RAP1B: variants seen among roughly 807,000 people sequenced by gnomAD.
RAP1B encodes RAP1B, member of RAS oncogene family.
A neutral mutation model predicts 27.5 loss-of-function variants in RAP1B; 1 was observed. The ratio of observed to expected loss-of-function variants is 0.04; its 90% CI spans 0.01 to 0.17. The LOEUF (loss-of-function observed/expected upper bound fraction) is 0.17. Among genes scored for constraint, RAP1B ranks in the 10% least tolerant of loss-of-function variants. The pLI, the probability that RAP1B is intolerant of heterozygous loss-of-function variation, is 1.00. For synonymous variants in RAP1B, 75 were observed against 73.1 expected, an observed-to-expected ratio of 1.03 and a Z score of -0.13; for missense variants, 84 against 214.8, an observed-to-expected ratio of 0.39 and a Z score of 3.81.
intron 1 of RAP1B, among the ~76,000 whole-genome samples, chr12:68,617,671 C>T (rs1348865032): frequency 2.8e-4 from 43 of 152,200 alleles, no homozygotes; most frequent in Admixed American, 2.7e-3. Context: ...CTCCTTGCCT[C>T]CTCAGTGAGA....
intron 1 of RAP1B, chr12:68,642,997 G>T (rs1352145164): frequency 2.5e-6 from 2 of 795,040 alleles, no homozygotes; most frequent in South Asian, 1.3e-5. Flanking sequence ...CAGCCATGTT[G>T]GGATTCTTCA....
At chr12:68,651,751 G>A (rs1230811010) in intron 3 of RAP1B, 27 of 444,624 alleles carry the variant, frequency 6.1e-5, no homozygotes, top group Middle Eastern at 6.1e-4. Context: ...AGACTGGTTC[G>A]TGTAGGTTTC....
intron 1 of RAP1B, among the ~76,000 whole-genome samples, chr12:68,638,212 TTC>T (rs1390828573): frequency 6.6e-6 from 1 of 152,202 alleles, no homozygotes; most frequent in African/African-American, 2.4e-5. Flanking sequence ...TGTTTTTAAC[TTC>T]TTTTTATATT....
Position 68,662,915 on chromosome 12 carries a change from CAGG to C in RAP1B, c.*3669_*3671del, listed in dbSNP as rs1024088505. On this transcript the variant is annotated 3_prime_UTR_variant, in exon 8 of 8. Coordinates refer to ENST00000250559, the MANE Select transcript of RAP1B (RefSeq NM_001010942.3). ...GCTATTCAGAAGGATTGCTTGATCC[CAGG>C]AGATCAAGGATACAGTGAACTGTGT... 5 of 152,028 alleles carry C rather than the reference CAGG, an allele frequency of 3.3e-5. No homozygotes were observed. Among genetic ancestry groups the C allele is most frequent in the African/African-American group, 1.2e-4 (5 of 41,468 alleles). 9.4% of individuals were successfully genotyped at this position (152,028 alleles called of 1,614,324 possible). A position where few individuals can be genotyped will look rare whatever the true frequency, so the allele number is the denominator to read the frequency against.
intron 1 of RAP1B, among the ~76,000 whole-genome samples, chr12:68,618,839 A>C (rs983226933): frequency 6.6e-6 from 1 of 152,222 alleles, no homozygotes; most frequent in Admixed American, 6.5e-5. Context: ...ACTGTAACAA[A>C]ATGGGAAGTA....
At chr12:68,616,733 C>T (rs1409310159) in intron 1 of RAP1B, among the ~76,000 whole-genome samples, 1 of 152,028 alleles carries the variant, frequency 6.6e-6, no homozygotes, top group Non-Finnish European at 1.5e-5. Flanking sequence ...CGCGCCCGGC[C>T]AGGTTTTGTA....
chr12:68,619,404 A>T (rs1871242065), intron 1 of RAP1B, among the ~76,000 whole-genome samples: 1 of 152,260 alleles, frequency 6.6e-6, no homozygotes, highest in African/African-American at 2.4e-5. Context: ...GATTATCTGC[A>T]TAACTGAGTC....
chr12:68,636,347 G>T (rs183722427), intron 1 of RAP1B, among the ~76,000 whole-genome samples: 41 of 152,342 alleles, frequency 2.7e-4, no homozygotes, highest in Middle Eastern at 6.8e-3. Context: ...GAACCCAGAA[G>T]TTGGTTTTAA....
rs139441891 is a variant in RAP1B at position 68,662,059 on chromosome 12, GTATA to G, written c.*2820_*2823del. 2.8e-5 allele frequency: 4 copies of G among 145,010 alleles called. No individual in the cohort carries two copies. The highest frequency in any genetic ancestry group is 1.4e-4 in the Admixed American group (2 of 14,418). 9.0% of individuals were successfully genotyped at this position (145,010 alleles called of 1,614,324 possible). ...TATATATAGTACATATATAGAGAGA[GTATA>G]TATATATATGTAGTACAGTGGAGGT... On this transcript the variant is annotated 3_prime_UTR_variant, in exon 8 of 8. Coordinates refer to ENST00000250559, the MANE Select transcript of RAP1B (RefSeq NM_001010942.3).
In RAP1B at chr12:68,661,136, C is replaced by T. The variant is rs568907040; in HGVS notation, c.*1887C>T. The T allele has an allele frequency of 1.3e-4, 20 of 152,204 alleles. No homozygotes were observed. The highest frequency in any genetic ancestry group is 4.6e-4 in the African/African-American group (19 of 41,530). The allele number at this position is 152,204 out of a possible 1,614,324, so 9.4% of individuals were successfully genotyped here. On this transcript the variant is annotated 3_prime_UTR_variant, in exon 8 of 8. Transcript: ENST00000250559. ...GGTATCTGCTAATCCCCTAAATACA[C>T]GCTGTTTGAATGATACATTTTTAAA...
At chr12:68,613,372 C>T (rs967868770) in intron 1 of RAP1B, among the ~76,000 whole-genome samples, 1 of 129,008 alleles carries the variant, frequency 7.8e-6, no homozygotes, top group East Asian at 2.3e-4. Flanking sequence ...GCCTGGGTGA[C>T]AGAGCTAGAC....
chr12:68,671,339 A>T lies in RAP1B; in HGVS notation c.*12090A>T, dbSNP rs888619476. ...ATATTTGACCTCAATTCTACTACTG[A>T]TATCTACACCAAGGAAATGAAAGGA... is the stretch of plus-strand genomic sequence containing the variant. On this transcript the variant is annotated 3_prime_UTR_variant, in exon 8 of 8. Coordinates refer to ENST00000250559, the MANE Select transcript of RAP1B (RefSeq NM_001010942.3). 2.0e-5 allele frequency: 3 copies of T among 152,224 alleles called. No homozygotes were observed. The highest frequency in any genetic ancestry group is 4.4e-5 in the Non-Finnish European group (3 of 68,036). The allele number at this position is 152,224 out of a possible 1,614,324, so 9.4% of individuals were successfully genotyped here.
chr12:68,667,086 T>C lies in RAP1B; in HGVS notation c.*7837T>C, dbSNP rs941994796. 4.6e-5 allele frequency: 7 copies of C among 152,224 alleles called. No individual in the cohort carries two copies. The highest frequency in any genetic ancestry group is 1.2e-4 in the African/African-American group (5 of 41,464). The allele number at this position is 152,224 out of a possible 1,614,324, so 9.4% of individuals were successfully genotyped here. The stretch of plus-strand genomic sequence containing the variant: ...CTACATATTTTATATTTATCAATGA[T>C]GACAGAAACTTCCCCCCTTTTACTT... On this transcript the variant is annotated 3_prime_UTR_variant, in exon 8 of 8. Coordinates refer to ENST00000250559, the MANE Select transcript of RAP1B (RefSeq NM_001010942.3).
intron 4 of RAP1B, 97 bp downstream of exon 4, chr12:68,652,148 TAAA>T: frequency 1.0e-6 from 1 of 973,708 alleles, no homozygotes; most frequent in Admixed American, 2.0e-5. Flanking sequence ...TAAGCTTATT[TAAA>T]AGTACTGCTT....
In RAP1B at chr12:68,642,992, A is replaced by C. The variant is rs1592452742; in HGVS notation, c.-26-5707A>C. ...TTTTAGAGCAAGTTTTCGCCCAGCC[A>C]TGTTGGGATTCTTCACCGACCCTGG... On this transcript the variant is annotated intron_variant, in intron 1 of 7. Coordinates refer to ENST00000250559, the MANE Select transcript of RAP1B (RefSeq NM_001010942.3). The C allele has an allele frequency of 3.8e-6, 3 of 799,566 alleles. No individual in the cohort carries two copies. The Admixed American group carries it at 5.1e-5, about 14-fold the overall frequency. 49.5% of individuals were successfully genotyped at this position (799,566 alleles called of 1,614,324 possible). A position where few individuals can be genotyped will look rare whatever the true frequency, so the allele number is the denominator to read the frequency against.
At position 68,660,235 on chromosome 12, in the gene RAP1B, G is replaced by A. The variant is rs1874526051; in HGVS notation, c.*986G>A. On this transcript the variant is annotated 3_prime_UTR_variant, in exon 8 of 8. Coordinates refer to ENST00000250559, the MANE Select transcript of RAP1B (RefSeq NM_001010942.3). ...ACGAGTACTGTGGATGTGAATGTGGGAAGTAATTTTAATCATATGTAATTG... is the reference window on the plus strand; with the variant it reads ...ACGAGTACTGTGGATGTGAATGTGGAAAGTAATTTTAATCATATGTAATTG... 1 of 126,746 alleles carries A rather than the reference G, an allele frequency of 7.9e-6. No individual in the cohort carries two copies. The highest frequency in any genetic ancestry group is 1.6e-5 in the Non-Finnish European group (1 of 61,310). The allele number at this position is 126,746 out of a possible 1,614,324, so 7.9% of individuals were successfully genotyped here. A position where few individuals can be genotyped will look rare whatever the true frequency, so the allele number is the denominator to read the frequency against.
Position 68,623,076 on chromosome 12 carries a change from T to C in RAP1B, c.-27+12033T>C, listed in dbSNP as rs893206778. Among the ~76,000 whole-genome samples, 4 of 152,238 alleles carry C rather than the reference T, an allele frequency of 2.6e-5. No individual in the cohort carries two copies. In the East Asian group the frequency reaches 5.8e-4, roughly 22 times the overall value. ...TTTTTTATTTAGGTCATCTGTCTCT[T>C]GAGGACTATTTGATCTGATTGCATG... On this transcript the variant is annotated intron_variant, in intron 1 of 7. Coordinates refer to ENST00000250559, the MANE Select transcript of RAP1B (RefSeq NM_001010942.3).
chr12:68,627,749 C>A (rs1343040565), intron 1 of RAP1B, among the ~76,000 whole-genome samples: 1 of 152,128 alleles, frequency 6.6e-6, no homozygotes, highest in South Asian at 2.1e-4. Context: ...TAGAGAGACT[C>A]CCCAGTATAC....
chr12:68,616,368 T>G (rs1871009595), intron 1 of RAP1B, among the ~76,000 whole-genome samples: 1 of 150,660 alleles, frequency 6.6e-6, no homozygotes, highest in South Asian at 2.1e-4. Flanking sequence ...CACCACAGCC[T>G]CCGCCTCCAG....
Sources: allele counts gnomAD v4.1 joint callset (sites outside exome capture counted in the v4.1 genomes callset), GRCh38; gene constraint gnomAD v4.1.1; transcripts MANE v1.5; gene names NCBI Gene and HGNC (gene_info 2026-07-23, HGNC 2026-07-21).